The following NPIPB12 variants were observed in gnomAD, a reference collection of about 807,000 sequenced individuals.
NPIPB12 encodes nuclear pore complex-interacting protein family member B12.
At chr16:29,504,548 G>T (rs1181584538) in intron 2 of NPIPB12, among the ~76,000 whole-genome samples, 1 of 149,370 alleles carries the variant, frequency 6.7e-6, no homozygotes, top group Admixed American at 6.7e-5. Flanking sequence ...GTGTGTGTGT[G>T]TGTGTGTGTA....
chr16:29,504,471 C>G (rs1484024963), intron 2 of NPIPB12, among the ~76,000 whole-genome samples: 79 of 136,244 alleles, frequency 5.8e-4, no homozygotes, highest in African/African-American at 2.1e-3. Context: ...TGCCATTGCA[C>G]TCCAGCCTGG....
intron 1 of NPIPB12, among the ~76,000 whole-genome samples, chr16:29,498,042 T>TCAAAAAA (rs1324293142): frequency 1.4e-5 from 1 of 69,566 alleles, no homozygotes. Flanking sequence ...GGTTCACGCC[T>TCAAAAAA]GTAATCCCAA....
At chr16:29,490,396 T>C in intron 4 of NPIPB12, among the ~76,000 whole-genome samples, 1 of 137,302 alleles carries the variant, frequency 7.3e-6, no homozygotes, top group African/African-American at 2.7e-5. Context: ...AGGTCAGGAG[T>C]TCAAGACTAG....
In NPIPB12 at chr16:29,490,326, C is replaced by A. The variant is rs1965064250; in HGVS notation, c.449+1141G>T. On this transcript the variant is annotated intron_variant, in intron 4 of 5. Transcript: ENST00000617311. ...CTGGAGGTGACCCAAGCATTGAATT[C>A]AACAATCCAGGCTGGGTGCGGTGGC... 2.9e-5 allele frequency among the ~76,000 whole-genome samples: 3 copies of A among 103,334 alleles called. No individual in the cohort carries two copies. In the South Asian group the frequency reaches 1.7e-3, roughly 59 times the overall value. The allele number at this position is 103,334 out of a possible 152,430, so 67.8% of individuals were successfully genotyped here. A position where few individuals can be genotyped will look rare whatever the true frequency, so the allele number is the denominator to read the frequency against.
At chr16:29,492,763 C>CA (rs1301969919) in intron 2 of NPIPB12, among the ~76,000 whole-genome samples, 1 of 132,162 alleles carries the variant, frequency 7.6e-6, no homozygotes, top group Non-Finnish European at 1.6e-5. Flanking sequence ...CACTGCACTC[C>CA]AGCCTGGTGA....
chr16:29,504,526 G>GTA (rs1381555001), intron 2 of NPIPB12, among the ~76,000 whole-genome samples: 2 of 134,144 alleles, frequency 1.5e-5, no homozygotes, highest in African/African-American at 5.7e-5. Context: ...GTGTGTGTGT[G>GTA]TGTGTGTGTG....
chr16:29,490,904 T>TAAAA (rs1156982100), intron 4 of NPIPB12, among the ~76,000 whole-genome samples: 2 of 56,696 alleles, frequency 3.5e-5, no homozygotes, highest in Non-Finnish European at 6.3e-5. Flanking sequence ...ATCTCAAAAT[T>TAAAA]AAAAAAAAAA....
chr16:29,501,634 G>C (rs1965194689), upstream of NPIPB12, among the ~76,000 whole-genome samples: 1 of 3,990 alleles, frequency 2.5e-4, no homozygotes, highest in Non-Finnish European at 4.4e-4. Context: ...GAGGCAGGCG[G>C]ATCACGAGGT....
chr16:29,504,430 G>A (rs1307918116), upstream of NPIPB12, among the ~76,000 whole-genome samples: 3 of 80,768 alleles, frequency 3.7e-5, no homozygotes, highest in Non-Finnish European at 4.9e-5. Flanking sequence ...GCTTGAACCC[G>A]GGAGACGGAG....
chr16:29,498,368 T>C (rs1965167702), intron 1 of NPIPB12, among the ~76,000 whole-genome samples: 2 of 142,220 alleles, frequency 1.4e-5, no homozygotes, highest in Admixed American at 1.4e-4. Context: ...GGGGTTGGTT[T>C]ATGCTGGTGT....
At chr16:29,495,103 G>C (rs1397871174) in intron 2 of NPIPB12, among the ~76,000 whole-genome samples, 1 of 122,492 alleles carries the variant, frequency 8.2e-6, no homozygotes, top group South Asian at 2.8e-4. Flanking sequence ...CATTTCTGCA[G>C]TGAATCTTCA....
At chr16:29,490,492 T>C (rs1183987510) in intron 4 of NPIPB12, among the ~76,000 whole-genome samples, 3 of 149,396 alleles carry the variant, frequency 2.0e-5, no homozygotes, top group Non-Finnish European at 4.5e-5. Flanking sequence ...CCCAGCACAT[T>C]GGGAGGCCGA....
chr16:29,504,495 ACT>A (rs1220427953), intron 2 of NPIPB12, among the ~76,000 whole-genome samples: 3 of 113,116 alleles, frequency 2.7e-5, no homozygotes, highest in East Asian at 2.6e-4. Flanking sequence ...ACAGAGTGAA[ACT>A]CTGTCTCAAA....
At chr16:29,490,502 A>C (rs1353229723) in intron 4 of NPIPB12, among the ~76,000 whole-genome samples, 5 of 149,532 alleles carry the variant, frequency 3.3e-5, no homozygotes, top group Non-Finnish European at 7.5e-5. Context: ...TGGGAGGCCG[A>C]GGTGTGCGGA....
intron 2 of NPIPB12, among the ~76,000 whole-genome samples, chr16:29,504,482 G>A (rs1267639913): frequency 7.3e-6 from 1 of 136,910 alleles, no homozygotes; most frequent in African/African-American, 2.7e-5. Context: ...TCCAGCCTGG[G>A]GGACAGAGTG....
chr16:29,504,471 CT>C (rs1422210338), intron 2 of NPIPB12, among the ~76,000 whole-genome samples: 2 of 136,260 alleles, frequency 1.5e-5, no homozygotes, highest in Non-Finnish European at 3.2e-5. Flanking sequence ...TGCCATTGCA[CT>C]CCAGCCTGGG....
chr16:29,504,516 G>A (rs1182672571), intron 2 of NPIPB12, among the ~76,000 whole-genome samples: 2 of 23,858 alleles, frequency 8.4e-5, no homozygotes, highest in African/African-American at 1.6e-4. Flanking sequence ...AAAAATATAT[G>A]TGTGTGTGTG....
intron 1 of NPIPB12, among the ~76,000 whole-genome samples, chr16:29,498,183 C>A (rs1383432772): frequency 7.7e-5 from 11 of 142,640 alleles, no homozygotes; most frequent in African/African-American, 2.8e-4. Flanking sequence ...GTCTGTAATC[C>A]CAGCCACTCG....
chr16:29,498,377 G>A (rs1596717818), intron 1 of NPIPB12, among the ~76,000 whole-genome samples: 3 of 141,604 alleles, frequency 2.1e-5, no homozygotes, highest in East Asian at 4.5e-4. Context: ...TTATGCTGGT[G>A]TATGTACTTT....
Sources: gnomAD v4.1 joint callset for allele counts (sites outside exome capture counted in the v4.1 genomes callset) on GRCh38, gnomAD v4.1.1 for gene constraint, MANE v1.5 for transcripts, NCBI Gene and HGNC (gene_info 2026-07-23, HGNC 2026-07-21) for gene names.